ADAMTS17: variants seen among roughly 807,000 people sequenced by gnomAD.
The protein encoded by ADAMTS17 is A disintegrin and metalloproteinase with thrombospondin motifs 17.
In ADAMTS17, 113 loss-of-function variants were observed where a neutral mutation model predicts 141.5. That is an observed-to-expected ratio of 0.80 (90% CI 0.69 to 0.93). The LOEUF (loss-of-function observed/expected upper bound fraction) is 0.93. Among genes scored for constraint, ADAMTS17 ranks in the 40% least tolerant of loss-of-function variants. The pLI is 0.00. For missense variants in ADAMTS17, 1,659 were observed against 1,517.9 expected, an observed-to-expected ratio of 1.09 and a Z score of -1.54; for synonymous variants, 768 against 630.6, an observed-to-expected ratio of 1.22 and a Z score of -3.27.
intron 10 of ADAMTS17, among the ~76,000 whole-genome samples, chr15:100,148,374 G>A (rs2039007055): frequency 7.0e-6 from 1 of 143,674 alleles, no homozygotes; most frequent in Non-Finnish European, 1.5e-5. Flanking sequence ...TTTCCACCTA[G>A]TATCATTTTC....
At chr15:100,063,207 G>A (rs777312338) in intron 15 of ADAMTS17, among the ~76,000 whole-genome samples, 1 of 152,212 alleles carries the variant, frequency 6.6e-6, no homozygotes, top group Non-Finnish European at 1.5e-5. Context: ...AGACCTTAGT[G>A]AAATTGGTAT....
intron 13 of ADAMTS17, among the ~76,000 whole-genome samples, chr15:100,109,622 C>T (rs75900077): frequency 0.015 from 2,278 of 152,114 alleles, 28 homozygotes; most frequent in Non-Finnish European, 0.022. Context: ...CTTTGGGGTA[C>T]GGAGATCCCA....
intron 6 of ADAMTS17, among the ~76,000 whole-genome samples, chr15:100,255,641 C>CACACACACACACAG (rs1432309161): frequency 6.6e-6 from 1 of 151,850 alleles, no homozygotes; most frequent in South Asian, 2.1e-4. Flanking sequence ...CACACACACA[C>CACACACACACACAG]AGCTGGCCCA....
intron 15 of ADAMTS17, among the ~76,000 whole-genome samples, chr15:100,080,367 A>T (rs1456690385): frequency 1.3e-5 from 2 of 152,164 alleles, no homozygotes; most frequent in Non-Finnish European, 2.9e-5. Flanking sequence ...AGATGAAATC[A>T]GTCTACTACT....
intron 3 of ADAMTS17, among the ~76,000 whole-genome samples, chr15:100,319,974 T>C (rs1016890070): frequency 1.3e-5 from 2 of 151,890 alleles, no homozygotes; most frequent in Non-Finnish European, 2.9e-5. Flanking sequence ...AAAGGAAAGG[T>C]AACAGCATCA....
At chr15:100,262,804 A>C (rs74039115) in intron 4 of ADAMTS17, among the ~76,000 whole-genome samples, 11,732 of 150,098 alleles carry the variant, frequency 0.078, 1,281 homozygotes, top group African/African-American at 0.24. Context: ...AAAACAAAAA[A>C]CCTAAAGAAT....
At position 100,126,620 on chromosome 15, in the gene ADAMTS17, C is replaced by T. The variant is rs76044816; in HGVS notation, c.1721+5387G>A. Among the ~76,000 whole-genome samples the T allele has an allele frequency of 1.5e-3, 230 of 152,312 alleles. 1 individual carries two copies. The highest frequency in any genetic ancestry group is 5.2e-3 in the African/African-American group (216 of 41,578). On this transcript the variant is annotated intron_variant, in intron 12 of 21. Coordinates refer to ENST00000268070, the MANE Select transcript of ADAMTS17 (RefSeq NM_139057.4). ...AAGGGCATGAGGTCTACCTGGTGGT[C>T]TGCCACTTTTGGCCTAATCGTTTAT...
intron 15 of ADAMTS17, among the ~76,000 whole-genome samples, chr15:100,091,270 C>T (rs554827688): frequency 2.0e-5 from 3 of 151,992 alleles, no homozygotes; most frequent in East Asian, 3.9e-4. Flanking sequence ...ACCACACTGC[C>T]GAAGCATGAA....
chr15:100,141,531 C>T (rs1483429227), intron 10 of ADAMTS17, among the ~76,000 whole-genome samples: 1 of 152,168 alleles, frequency 6.6e-6, no homozygotes, highest in East Asian at 1.9e-4. Flanking sequence ...CCAAATTTTC[C>T]ACACATACTA....
At chr15:100,224,052 T>G (rs961976803) in intron 7 of ADAMTS17, among the ~76,000 whole-genome samples, 1 of 152,112 alleles carries the variant, frequency 6.6e-6, no homozygotes, top group African/African-American at 2.4e-5. Flanking sequence ...TTATATTCAC[T>G]GGAAGCTGAT....
chr15:100,057,061 G>T (rs1299215886), intron 15 of ADAMTS17, among the ~76,000 whole-genome samples: 1 of 152,226 alleles, frequency 6.6e-6, no homozygotes, highest in South Asian at 2.1e-4. Context: ...GCTGCCTGCA[G>T]TGTGTGAGGC....
intron 15 of ADAMTS17, among the ~76,000 whole-genome samples, chr15:100,084,782 C>T (rs1178433024): frequency 6.6e-6 from 1 of 152,198 alleles, no homozygotes; most frequent in East Asian, 1.9e-4. Flanking sequence ...AGCTGAGGGT[C>T]CTCACTGTCA....
intron 16 of ADAMTS17, among the ~76,000 whole-genome samples, chr15:100,053,566 G>T (rs1324755038): frequency 2.0e-5 from 3 of 152,214 alleles, no homozygotes; most frequent in African/African-American, 7.2e-5. Flanking sequence ...GAGTGGGGCT[G>T]TCTGCTTAAT....
intron 20 of ADAMTS17, among the ~76,000 whole-genome samples, chr15:99,991,826 G>A (rs918448497): frequency 9.2e-5 from 14 of 152,130 alleles, no homozygotes; most frequent in Non-Finnish European, 4.4e-5. Flanking sequence ...TATATACCAC[G>A]GAATACTATG....
At chr15:100,110,289 G>T (rs2036688324) in intron 13 of ADAMTS17, among the ~76,000 whole-genome samples, 2 of 137,518 alleles carry the variant, frequency 1.5e-5, no homozygotes, top group Non-Finnish European at 1.5e-5. Flanking sequence ...TTTTGAGACA[G>T]AGTCTCACTC....
intron 13 of ADAMTS17, among the ~76,000 whole-genome samples, chr15:100,114,548 G>A (rs114527640): frequency 0.024 from 3,616 of 152,294 alleles, 136 homozygotes; most frequent in African/African-American, 0.079. Context: ...CCCAGAGCAG[G>A]ACGTGTCGAG....
chr15:100,150,233 C>A (rs2039097759), intron 10 of ADAMTS17, among the ~76,000 whole-genome samples: 1 of 152,170 alleles, frequency 6.6e-6, no homozygotes, highest in African/African-American at 2.4e-5. Flanking sequence ...CTGAGGGAAT[C>A]ATTGCTTGTT....
intron 4 of ADAMTS17, 58 bp from the exon 5 acceptor site, chr15:100,262,493 T>G: frequency 5.3e-6 from 7 of 1,317,378 alleles, no homozygotes; most frequent in Non-Finnish European, 7.5e-6. Context: ...AAAAATACAG[T>G]AGTATCCTAG....
intron 15 of ADAMTS17, among the ~76,000 whole-genome samples, chr15:100,067,966 C>T (rs377367840): frequency 1.5e-4 from 23 of 152,152 alleles, no homozygotes; most frequent in East Asian, 1.3e-3. Flanking sequence ...TCCCATCACC[C>T]GGGAAGCGCA....
Sources: gnomAD v4.1 joint callset for allele counts (sites outside exome capture counted in the v4.1 genomes callset) on GRCh38, gnomAD v4.1.1 for gene constraint, MANE v1.5 for transcripts, NCBI Gene and HGNC (gene_info 2026-07-23, HGNC 2026-07-21) for gene names.